RBM25: variants seen among roughly 807,000 people sequenced by gnomAD.
RBM25 encodes RNA-binding protein 25.
A neutral mutation model predicts 120.7 loss-of-function variants in RBM25; 19 were observed. The ratio of observed to expected loss-of-function variants is 0.16; its 90% confidence interval spans 0.11 to 0.23. The LOEUF is 0.23. Among genes scored for constraint, RBM25 ranks in the 10% least tolerant of loss-of-function variants. The pLI is 1.00. For missense variants in RBM25, 605 were observed against 1,041.5 expected (o/e 0.58, Z 5.77); for synonymous variants, 390 against 326.7 (o/e 1.19, Z -2.09).
chr14:73,103,889 G>T (rs1896105132), intron 10 of RBM25, among the ~76,000 whole-genome samples: 1 of 93,760 alleles, frequency 1.1e-5, no homozygotes, highest in African/African-American at 5.4e-5. Flanking sequence ...GTCTTTGTCT[G>T]TCTGTCTGTC....
chr14:73,120,100 C>T lies in RBM25; in HGVS notation c.*295C>T. 2 of 209,624 alleles carry T rather than the reference C, an allele frequency of 9.5e-6. No homozygotes were observed. The highest frequency in any genetic ancestry group is 1.9e-5 in the Non-Finnish European group (2 of 107,178). The allele number at this position is 209,624 out of a possible 1,614,324, so 13.0% of individuals were successfully genotyped here. On this transcript the variant is annotated 3_prime_UTR_variant, in exon 19 of 19. Coordinates refer to ENST00000261973, the MANE Select transcript of RBM25 (RefSeq NM_021239.3). ...ATAATCTTGTTCTGCTGATTTGTTT[C>T]TTGTAAATATTAAAACGACTCCCCA...
chr14:73,080,831 T>G (rs1895543941), intron 4 of RBM25, among the ~76,000 whole-genome samples: 3 of 149,858 alleles, frequency 2.0e-5, no homozygotes, highest in African/African-American at 7.5e-5. Context: ...TTCTTTTTTT[T>G]TTTTTTTATT....
At position 73,120,015 on chromosome 14, in the gene RBM25, C is replaced by A. The variant is rs1045878806; in HGVS notation, c.*210C>A. On this transcript the variant is annotated 3_prime_UTR_variant, in exon 19 of 19. Coordinates refer to ENST00000261973, the MANE Select transcript of RBM25 (RefSeq NM_021239.3). ...GAATCCTTGGTTCTCTTTATACTCA[C>A]CAGGTACAAATTACTGGTATGTTTT... 31 of 605,412 alleles carry A rather than the reference C, an allele frequency of 5.1e-5. No individual in the cohort carries two copies. The highest frequency in any genetic ancestry group is 2.6e-4 in the Admixed American group (6 of 23,464). The allele number at this position is 605,412 out of a possible 1,614,324, so 37.5% of individuals were successfully genotyped here. A position where few individuals can be genotyped will look rare whatever the true frequency, so the allele number is the denominator to read the frequency against.
intron 1 of RBM25, among the ~76,000 whole-genome samples, chr14:73,060,044 T>G (rs1008375187): frequency 3.9e-5 from 6 of 151,910 alleles, no homozygotes; most frequent in South Asian, 2.1e-4. Flanking sequence ...TTGTTTTGTG[T>G]TGTTGTTTTT....
At chr14:73,109,185 A>C (rs1896253153) in intron 13 of RBM25, 157 bp from the exon 14 acceptor site, 2 of 687,360 alleles carry the variant, frequency 2.9e-6, no homozygotes, top group South Asian at 3.9e-5. Context: ...TGTAGAGAGC[A>C]CACTCTGGTG....
chr14:73,069,514 A>G (rs1054967909), intron 1 of RBM25, among the ~76,000 whole-genome samples: 2 of 151,916 alleles, frequency 1.3e-5, no homozygotes, highest in Admixed American at 6.6e-5. Flanking sequence ...GCACACTACA[A>G]TCTCCACCTC....
chr14:73,099,240 C>A, intron 7 of RBM25, 140 bp from the exon 8 acceptor site: 1 of 721,284 alleles, frequency 1.4e-6, no homozygotes, highest in Non-Finnish European at 2.2e-6. Flanking sequence ...ACTTCTATTC[C>A]CAAGTAATTT....
chr14:73,075,974 G>A (rs1370278175), intron 2 of RBM25, among the ~76,000 whole-genome samples: 1 of 152,030 alleles, frequency 6.6e-6, no homozygotes, highest in African/African-American at 2.4e-5. Flanking sequence ...TTCTTTAATA[G>A]CATTGTTCAC....
In RBM25 at chr14:73,120,264, C is replaced by A. The variant is rs2140470706; in HGVS notation, c.*459C>A. The A allele has an allele frequency of 6.5e-6, 1 of 153,116 alleles. No homozygotes were observed. Among genetic ancestry groups the A allele is most frequent in the South Asian group, 2.1e-4 (1 of 4,838 alleles). 9.5% of individuals were successfully genotyped at this position (153,116 alleles called of 1,614,324 possible). A position where few individuals can be genotyped will look rare whatever the true frequency, so the allele number is the denominator to read the frequency against. On this transcript the variant is annotated 3_prime_UTR_variant, in exon 19 of 19. Coordinates refer to ENST00000261973, the MANE Select transcript of RBM25 (RefSeq NM_021239.3). ...CAGAAATGGCAAGCCCTTGTGAAGGCATGGAGTTTAAAATTGGAATGCAAA... is the reference window on the plus strand; with the variant it reads ...CAGAAATGGCAAGCCCTTGTGAAGGAATGGAGTTTAAAATTGGAATGCAAA...
At chr14:73,116,452 G>C (rs1896429293) in intron 18 of RBM25, among the ~76,000 whole-genome samples, 1 of 152,202 alleles carries the variant, frequency 6.6e-6, no homozygotes, top group Non-Finnish European at 1.5e-5. Flanking sequence ...GCATTTTATG[G>C]TGTCTAAAGC....
chr14:73,110,734 T>G, intron 14 of RBM25, 97 bp from the exon 15 acceptor site: 1 of 1,449,938 alleles, frequency 6.9e-7, no homozygotes, highest in Non-Finnish European at 9.2e-7. Context: ...TGGCCTTTTC[T>G]CTTTTCATAA....
chr14:73,077,530 C>T lies in RBM25; in HGVS notation c.318C>T (p.Leu106=), dbSNP rs964719075. ...CTTCAGACATGCTTATAAGACAACTCTTAGCTGTAAGTTAAACTGTTTATT... is the reference window on the plus strand; with the variant it reads ...CTTCAGACATGCTTATAAGACAACTTTTAGCTGTAAGTTAAACTGTTTATT... ...EKASDMLIRQ[L]LAKCGLVLSW... The change falls in exon 4 of 19, where the codon CTC becomes CTT. Residue 106 remains leucine (L), a synonymous_variant. Transcript: ENST00000261973. 81 of 1,600,302 alleles carry T rather than the reference C, an allele frequency of 5.1e-5. No individual in the cohort carries two copies. Among genetic ancestry groups the T allele is most frequent in the Non-Finnish European group, 6.6e-5 (78 of 1,175,630 alleles).
At chr14:73,080,821 T>C (rs1895543035) in intron 4 of RBM25, among the ~76,000 whole-genome samples, 1 of 143,200 alleles carries the variant, frequency 7.0e-6, no homozygotes, top group Non-Finnish European at 1.5e-5. Flanking sequence ...TTTTCTTTCT[T>C]TCTTTTTTTT....
chr14:73,068,024 C>A (rs1006206854), intron 1 of RBM25: 1 of 312,834 alleles, frequency 3.2e-6, no homozygotes, highest in African/African-American at 2.1e-5. Context: ...CTTAAGTTGG[C>A]GGTAAGGCTG....
chr14:73,063,882 T>C (rs1895064339), intron 1 of RBM25, among the ~76,000 whole-genome samples: 1 of 151,524 alleles, frequency 6.6e-6, no homozygotes, highest in Non-Finnish European at 1.5e-5. Flanking sequence ...AGCCCTACAC[T>C]CTACTCATAA....
chr14:73,060,395 C>T (rs944006008), intron 1 of RBM25, among the ~76,000 whole-genome samples: 1 of 151,378 alleles, frequency 6.6e-6, no homozygotes, highest in Non-Finnish European at 1.5e-5. Flanking sequence ...TACTTCAGAC[C>T]TAACAGGAAT....
chr14:73,106,600 G>A (rs939242230), intron 12 of RBM25, among the ~76,000 whole-genome samples: 1 of 151,962 alleles, frequency 6.6e-6, no homozygotes, highest in Non-Finnish European at 1.5e-5. Context: ...TTGAACTGTT[G>A]TTATTAGATA....
Position 73,107,755 on chromosome 14 carries a change from A to G in RBM25, c.1468-71A>G. The G allele has an allele frequency of 3.5e-6, 4 of 1,148,814 alleles. 1 individual carries two copies. The South Asian group carries it at 5.4e-5, about 15-fold the overall frequency. 71.2% of individuals were successfully genotyped at this position (1,148,814 alleles called of 1,614,324 possible). On this transcript the variant is annotated intron_variant, in intron 12 of 18. Coordinates refer to ENST00000261973, the MANE Select transcript of RBM25 (RefSeq NM_021239.3). ...ATGTCTGGGTCAGAAAAATCTGTTTACACAAAAAAGGGAAGAGTAATCTTT... is the reference window on the plus strand; with the variant it reads ...ATGTCTGGGTCAGAAAAATCTGTTTGCACAAAAAAGGGAAGAGTAATCTTT...
At chr14:73,091,747 C>T (rs1566591821) in intron 6 of RBM25, among the ~76,000 whole-genome samples, 1 of 151,950 alleles carries the variant, frequency 6.6e-6, no homozygotes, top group Non-Finnish European at 1.5e-5. Flanking sequence ...TGTGGTGGTG[C>T]ACACCTGTAA....
Sources: allele counts gnomAD v4.1 joint callset (sites outside exome capture counted in the v4.1 genomes callset), GRCh38; gene constraint gnomAD v4.1.1; transcripts MANE v1.5; gene names NCBI Gene and HGNC (gene_info 2026-07-23, HGNC 2026-07-21).